TMOD3: variants seen among roughly 807,000 people sequenced by gnomAD.
The protein encoded by TMOD3 is tropomodulin 3.
Under a neutral mutation model 39.2 loss-of-function variants are expected in TMOD3, and 20 were observed. The observed-to-expected ratio is 0.51, with a 90% CI of 0.36 to 0.74. The LOEUF (loss-of-function observed/expected upper bound fraction) is 0.74. Among genes scored for constraint, TMOD3 ranks in the 30% least tolerant of loss-of-function variants. The pLI, the probability that TMOD3 is intolerant of heterozygous loss-of-function variation, is 0.00. For synonymous variants in TMOD3, 143 were observed against 145.8 expected, an observed-to-expected ratio of 0.98 and a Z score of 0.14; for missense variants, 381 against 412.8, an observed-to-expected ratio of 0.92 and a Z score of 0.67.
At chr15:51,868,538 G>A (rs1342672899) in intron 2 of TMOD3, among the ~76,000 whole-genome samples, 3 of 152,200 alleles carry the variant, frequency 2.0e-5, no homozygotes, top group East Asian at 1.9e-4. Flanking sequence ...ATGTCCGTGT[G>A]TTCTCATCAT....
chr15:51,855,310 C>A (rs1398678784), intron 1 of TMOD3, among the ~76,000 whole-genome samples: 2 of 152,158 alleles, frequency 1.3e-5, no homozygotes, highest in Non-Finnish European at 2.9e-5. Flanking sequence ...GATTATCTGC[C>A]CACCCCAGAC....
At chr15:51,882,741 A>G (rs143225120) in intron 3 of TMOD3, among the ~76,000 whole-genome samples, 91 of 152,244 alleles carry the variant, frequency 6.0e-4, no homozygotes, top group Non-Finnish European at 1.0e-3. Context: ...AACATTGGGA[A>G]GTGTAAGTCT....
intron 1 of TMOD3, chr15:51,861,104 A>T: frequency 3.6e-6 from 2 of 555,466 alleles, no homozygotes; most frequent in South Asian, 3.0e-5. Context: ...GTTCGAAAAG[A>T]TTAATTTCAT....
chr15:51,883,754 A>G (rs1268685548), intron 3 of TMOD3, among the ~76,000 whole-genome samples: 1 of 152,150 alleles, frequency 6.6e-6, no homozygotes, highest in Non-Finnish European at 1.5e-5. Flanking sequence ...GGACATGAGA[A>G]TTTTCTAAAG....
At chr15:51,861,333 C>T (rs1021110015) in intron 1 of TMOD3, 8 of 233,144 alleles carry the variant, frequency 3.4e-5, no homozygotes, top group Non-Finnish European at 5.3e-5. Context: ...TTCTCAACCG[C>T]GAACACGTGC....
intron 3 of TMOD3, among the ~76,000 whole-genome samples, chr15:51,885,968 C>G (rs533677956): frequency 1.3e-5 from 2 of 150,150 alleles, no homozygotes; most frequent in East Asian, 2.0e-4. Context: ...GGGGCTGCCC[C>G]CTACCTCCCT....
intron 1 of TMOD3, among the ~76,000 whole-genome samples, chr15:51,838,769 CCTT>C (rs963647886): frequency 1.1e-4 from 17 of 152,094 alleles, no homozygotes; most frequent in African/African-American, 2.9e-4. Flanking sequence ...TGCAGACTGA[CCTT>C]CTGTGCTTTC....
chr15:51,864,138 G>A (rs570571438), intron 2 of TMOD3, among the ~76,000 whole-genome samples: 7 of 151,974 alleles, frequency 4.6e-5, no homozygotes, highest in Admixed American at 2.6e-4. Flanking sequence ...GGTGGTGCAC[G>A]CATGTAGCCC....
intron 3 of TMOD3, 173 bp from the exon 4 acceptor site, chr15:51,887,416 C>T (rs1439193198): frequency 7.3e-6 from 5 of 687,782 alleles, no homozygotes; most frequent in Non-Finnish European, 9.2e-6. Context: ...CCAACTTTTA[C>T]AGCCAAAATA....
At chr15:51,859,094 G>A (rs2623269) in intron 1 of TMOD3, 15,789 of 522,812 alleles carry the variant, frequency 0.03, 810 homozygotes, top group African/African-American at 0.12. Flanking sequence ...GTCTGCCATC[G>A]ATGAACAAAT....
At chr15:51,843,518 G>A (rs1353374583) in intron 1 of TMOD3, among the ~76,000 whole-genome samples, 1 of 152,210 alleles carries the variant, frequency 6.6e-6, no homozygotes, top group Non-Finnish European at 1.5e-5. Context: ...AGATGTTAGA[G>A]CAGGAAAACA....
intron 3 of TMOD3, among the ~76,000 whole-genome samples, chr15:51,875,460 C>T (rs879273267): frequency 9.2e-5 from 14 of 152,234 alleles, no homozygotes; most frequent in Admixed American, 6.5e-4. Flanking sequence ...TCACTGTTAA[C>T]TCCCTTGGGG....
intron 1 of TMOD3, among the ~76,000 whole-genome samples, chr15:51,840,653 T>C (rs970137773): frequency 1.1e-4 from 17 of 152,238 alleles, no homozygotes; most frequent in African/African-American, 4.1e-4. Flanking sequence ...TTATAATAAT[T>C]TCTCCTGCCC....
chr15:51,896,466 C>G lies in TMOD3; in HGVS notation c.675C>G (p.Thr225=), dbSNP rs2056621288. 6 of 1,613,556 alleles carry G rather than the reference C, an allele frequency of 3.7e-6. No individual in the cohort carries two copies. The highest frequency in any genetic ancestry group is 1.3e-5 in the African/African-American group (1 of 75,018). Residue 225 remains threonine (T), a synonymous_variant, in exon 7 of 10, where the codon ACC becomes ACG. Coordinates refer to ENST00000308580, the MANE Select transcript of TMOD3 (RefSeq NM_014547.5). ...AAGATTTTGCAAAGGCTTTGGAAAC[C>G]AACACACATGTGAAATGTTTCAGTC... ...TLKDFAKALE[T]NTHVKCFSLA... is the part of the protein sequence containing the mutation.
chr15:51,888,970 G>A (rs2056579170), intron 4 of TMOD3, 86 bp from the exon 5 acceptor site: 3 of 794,790 alleles, frequency 3.8e-6, no homozygotes, highest in Non-Finnish European at 6.1e-6. Context: ...AAGGTCCAGA[G>A]GATATTAAAA....
intron 3 of TMOD3, among the ~76,000 whole-genome samples, chr15:51,872,686 G>A (rs1001859807): frequency 3.1e-4 from 46 of 149,322 alleles, no homozygotes; most frequent in African/African-American, 1.1e-3. Flanking sequence ...TGCAACCTGG[G>A]ACTCCTGGGC....
intron 3 of TMOD3, among the ~76,000 whole-genome samples, chr15:51,874,332 A>G (rs1316447477): frequency 6.6e-6 from 1 of 152,260 alleles, no homozygotes; most frequent in Non-Finnish European, 1.5e-5. Context: ...ATATATGAAA[A>G]GAAGAAAGTA....
intron 9 of TMOD3, among the ~76,000 whole-genome samples, chr15:51,904,798 C>T (rs771606760): frequency 6.6e-5 from 10 of 152,108 alleles, no homozygotes; most frequent in Non-Finnish European, 1.2e-4. Flanking sequence ...CAAATGAAAA[C>T]CACTTCCTAG....
chr15:51,835,591 G>C (rs576575259), intron 1 of TMOD3, among the ~76,000 whole-genome samples: 32 of 152,254 alleles, frequency 2.1e-4, no homozygotes, highest in Non-Finnish European at 3.7e-4. Context: ...TTACAGGCGT[G>C]AGCCACCACA....
Sources: allele counts gnomAD v4.1 joint callset (sites outside exome capture counted in the v4.1 genomes callset), GRCh38; gene constraint gnomAD v4.1.1; transcripts MANE v1.5; gene names NCBI Gene and HGNC (gene_info 2026-07-23, HGNC 2026-07-21).